Variants in ITGAE observed in about 807,000 individuals in gnomAD.
The protein encoded by ITGAE is integrin subunit alpha E.
A neutral mutation model predicts 136.5 loss-of-function variants in ITGAE; 99 were observed. The ratio of observed to expected loss-of-function variants is 0.73; its 90% CI spans 0.62 to 0.86. The LOEUF (loss-of-function observed/expected upper bound fraction) is 0.86, where lower values mean the gene tolerates loss of function less well. Among genes scored for constraint, ITGAE ranks in the 40% least tolerant of loss-of-function variants. The pLI is 0.00. For missense variants in ITGAE, 1,447 were observed against 1,515.3 expected, an observed-to-expected ratio of 0.95 and a Z score of 0.75; for synonymous variants, 613 against 591.8, an observed-to-expected ratio of 1.04 and a Z score of -0.52.
intron 29 of ITGAE, among the ~76,000 whole-genome samples, chr17:3,719,691 C>T (rs2051011602): frequency 6.6e-6 from 1 of 152,022 alleles, no homozygotes; most frequent in Non-Finnish European, 1.5e-5. Context: ...TTACTGGATA[C>T]AAAAAACAAT....
chr17:3,796,108 C>CGT (rs752191985), intron 1 of ITGAE, among the ~76,000 whole-genome samples: 15 of 25,070 alleles, frequency 6.0e-4, no homozygotes, highest in Admixed American at 9.7e-4. Flanking sequence ...TGTGTGCATC[C>CGT]CTGTGTGCAT....
At position 3,732,363 on chromosome 17, in the gene ITGAE, C is replaced by G; in HGVS notation, c.2754+5G>C. 6.2e-7 allele frequency: 1 copy of G among 1,610,536 alleles called. No homozygotes were observed. The highest frequency in any genetic ancestry group is 8.5e-7 in the Non-Finnish European group (1 of 1,176,718). ...AGAAGAGCGAATCAGTCCAAACCGA[C>G]TCACAGATGACCTCTTGAGGACGGG... On this transcript the variant is annotated splice_donor_5th_base_variant and intron_variant, in intron 22 of 30. Coordinates refer to ENST00000263087, the MANE Select transcript of ITGAE (RefSeq NM_002208.5).
In ITGAE at chr17:3,734,780, G is replaced by T; in HGVS notation, c.2655+37C>A. ...AGCAGGCATGCAGCGAGGGAGGGGC[G>T]TGAGGGACCTGTTTCCACAGCCACC... On this transcript the variant is annotated intron_variant, in intron 21 of 30. Transcript: ENST00000263087. 2.5e-6 allele frequency: 4 copies of T among 1,612,576 alleles called. No homozygotes were observed. The South Asian group carries it at 4.4e-5, about 18-fold the overall frequency.
At chr17:3,724,809 AG>A (rs756965055) in intron 26 of ITGAE, 1 of 1,614,164 alleles carries the variant, frequency 6.2e-7, no homozygotes, top group Non-Finnish European at 8.5e-7. Context: ...CACAGGCAAG[AG>A]GAGGGCCACA....
intron 3 of ITGAE, 90 bp from the exon 4 acceptor site, chr17:3,762,072 G>T: frequency 1.9e-6 from 2 of 1,062,340 alleles, no homozygotes; most frequent in Non-Finnish European, 2.8e-6. Context: ...AGCCACCTTG[G>T]TCAGGCCCCC....
chr17:3,741,125 T>G lies in ITGAE; in HGVS notation c.2449-1247A>C, dbSNP rs868658193. 4.6e-3 allele frequency among the ~76,000 whole-genome samples: 628 copies of G among 136,784 alleles called. 7 individuals are homozygous for G. Among genetic ancestry groups the G allele is most frequent in the African/African-American group, 0.016 (594 of 36,194 alleles). The allele number at this position is 136,784 out of a possible 152,430, so 89.7% of individuals were successfully genotyped here. A position where few individuals can be genotyped will look rare whatever the true frequency, so the allele number is the denominator to read the frequency against. ...CGGAGTCTCGCTCTGTCGCCCAGGC[T>G]GGAGTGCAGTGGCGCAATCTCCGCT... On this transcript the variant is annotated intron_variant, in intron 19 of 30. Transcript: ENST00000263087.
chr17:3,783,374 C>A (rs1335409980), intron 1 of ITGAE, among the ~76,000 whole-genome samples: 1 of 152,094 alleles, frequency 6.6e-6, no homozygotes, highest in African/African-American at 2.4e-5. Flanking sequence ...CTCGTCCTGA[C>A]CTCAAGAGAT....
chr17:3,732,684 G>T (rs908983276), intron 21 of ITGAE, among the ~76,000 whole-genome samples: 5 of 152,216 alleles, frequency 3.3e-5, no homozygotes, highest in African/African-American at 1.2e-4. Flanking sequence ...ATACAAGGTC[G>T]AAGGGGTGCT....
rs766876025 is a variant in ITGAE at position 3,777,614 on chromosome 17, C to T, written c.81G>A (p.Trp27Ter). 49 of 1,613,798 alleles carry T rather than the reference C, an allele frequency of 3.0e-5. No individual in the cohort carries two copies. The highest frequency in any genetic ancestry group is 5.3e-5 in the African/African-American group (4 of 74,928). ...AAFNVDVARP[W>*]LTPKGGAPFV... is the part of the protein sequence containing the mutation. ...AAGGGGCACCTCCCTTGGGCGTGAG[C>T]CAGGGCCGGGCCACATCCACATTGA... The change falls in exon 2 of 31, where the codon TGG (tryptophan) becomes TGA (stop). Residue 27 changes from tryptophan (W) to a stop codon, truncating the protein, a stop_gained. Transcript: ENST00000263087. LOFTEE classifies it high-confidence loss of function.
intron 20 of ITGAE, among the ~76,000 whole-genome samples, chr17:3,735,969 C>A (rs1175182230): frequency 6.6e-6 from 1 of 152,192 alleles, no homozygotes; most frequent in East Asian, 1.9e-4. Flanking sequence ...GATGGTGAAA[C>A]CCCGTCTCTA....
In ITGAE at chr17:3,744,446, C is replaced by CTCTCT. The variant is rs1555520830; in HGVS notation, c.2320-830_2320-829insAGAGA. Among the ~76,000 whole-genome samples the CTCTCT allele has an allele frequency of 1.2e-3, 154 of 128,260 alleles. 2 individuals carry two copies. The highest frequency in any genetic ancestry group is 3.1e-3 in the East Asian group (14 of 4,566). 84.1% of individuals were successfully genotyped at this position (128,260 alleles called of 152,430 possible). On this transcript the variant is annotated intron_variant, in intron 18 of 30. Coordinates refer to ENST00000263087, the MANE Select transcript of ITGAE (RefSeq NM_002208.5). Reference sequence around the variant, plus strand: ...CACCTGGGTTTATCAAGTTCTTTCTCTTTTTTTTTTTTTTTTTTGAGATGG... The same window carrying CTCTCT: ...CACCTGGGTTTATCAAGTTCTTTCTCTCTCTTTTTTTTTTTTTTTTTTTGAGATGG...
At chr17:3,771,419 T>G (rs1376375632) in intron 2 of ITGAE, among the ~76,000 whole-genome samples, 1 of 152,140 alleles carries the variant, frequency 6.6e-6, no homozygotes, top group African/African-American at 2.4e-5. Context: ...AGTGCGGGGC[T>G]TAGAGGGGGC....
At chr17:3,732,873 C>T (rs530419840) in intron 21 of ITGAE, among the ~76,000 whole-genome samples, 5 of 152,290 alleles carry the variant, frequency 3.3e-5, no homozygotes, top group South Asian at 4.1e-4. Context: ...CACCAGGGCT[C>T]CCCACCTGGA....
chr17:3,767,038 T>C (rs1597349088), intron 2 of ITGAE, among the ~76,000 whole-genome samples: 1 of 151,126 alleles, frequency 6.6e-6, no homozygotes, highest in East Asian at 1.9e-4. Context: ...GTGTTTTCAC[T>C]CATGCCCTAC....
intron 1 of ITGAE, among the ~76,000 whole-genome samples, chr17:3,785,821 A>C (rs2052779671): frequency 1.3e-5 from 2 of 151,970 alleles, no homozygotes; most frequent in Admixed American, 6.6e-5. Flanking sequence ...ACAAATTACC[A>C]ACATGAATAA....
intron 20 of ITGAE, among the ~76,000 whole-genome samples, chr17:3,738,405 A>G (rs999250085): frequency 2.6e-5 from 4 of 152,088 alleles, no homozygotes; most frequent in African/African-American, 9.7e-5. Flanking sequence ...TCCTGACCTC[A>G]TGATCCGCCT....
intron 26 of ITGAE, chr17:3,725,649 T>A: frequency 5.6e-6 from 9 of 1,602,308 alleles, no homozygotes; most frequent in Non-Finnish European, 7.7e-6. Context: ...TTACCCTCCC[T>A]TGCTCCTCAA....
chr17:3,719,113 G>GT (rs201183395), intron 29 of ITGAE, among the ~76,000 whole-genome samples: 20,407 of 151,228 alleles, frequency 0.13, 4,632 homozygotes, highest in African/African-American at 0.47. Flanking sequence ...GTGGGCACCT[G>GT]TAATCCCAGC....
Position 3,748,004 on chromosome 17 carries a change from G to C in ITGAE, c.2073C>G (p.Ser691Arg). 1 of 1,613,122 alleles carries C rather than the reference G, an allele frequency of 6.2e-7. No homozygotes were observed. Among genetic ancestry groups the C allele is most frequent in the Non-Finnish European group, 8.5e-7 (1 of 1,179,362 alleles). ...CGCCGTTGAAGCCGATGGGCAGTGC[G>C]CTGGGGGTGAAGGCCATGGAGACCT... Reference protein sequence around the residue: ...RLKVSMAFTPSALPIGFNGVV... With the variant: ...RLKVSMAFTPRALPIGFNGVV... Residue 691 changes from serine (S) to arginine (R), a missense_variant, in exon 17 of 31, where the codon AGC becomes AGG. Ser to Arg is a moderately radical substitution (Grantham distance 110). Transcript: ENST00000263087.
Sources: gnomAD v4.1 joint callset for allele counts (sites outside exome capture counted in the v4.1 genomes callset) on GRCh38, gnomAD v4.1.1 for gene constraint, MANE v1.5 for transcripts, NCBI Gene and HGNC (gene_info 2026-07-23, HGNC 2026-07-21) for gene names.